SCP2: variants seen among roughly 807,000 people sequenced by gnomAD.
SCP2 encodes sterol carrier protein 2, also known as SCP-2/3-oxoacyl-CoA thiolase.
Under a neutral mutation model 71.4 loss-of-function variants are expected in SCP2, and 48 were observed. The observed-to-expected ratio is 0.67, with a 90% CI of 0.53 to 0.86. SCP2 has a LOEUF of 0.86. Ranked by LOEUF, SCP2 falls within the 40% of genes least tolerant of loss-of-function variation. The pLI is 0.00. For synonymous variants in SCP2, 220 were observed against 218.1 expected, an observed-to-expected ratio of 1.01 and a Z score of -0.08; for missense variants, 560 against 655.6, an observed-to-expected ratio of 0.85 and a Z score of 1.59.
chr1:52,927,479 C>G lies in SCP2; in HGVS notation c.69+14C>G. On this transcript the variant is annotated intron_variant, in intron 1 of 15. Coordinates refer to ENST00000371514, the MANE Select transcript of SCP2 (RefSeq NM_002979.5). Reference sequence around the variant, plus strand: ...GGCATGACCAAGGTAAACCGAGCAGCGGCCCTGCTGGCCCTCTGAGGCTCG... The same window carrying G: ...GGCATGACCAAGGTAAACCGAGCAGGGGCCCTGCTGGCCCTCTGAGGCTCG... 2 of 1,585,588 alleles carry G rather than the reference C, an allele frequency of 1.3e-6. No homozygotes were observed. Among genetic ancestry groups the G allele is most frequent in the Non-Finnish European group, 1.7e-6 (2 of 1,165,188 alleles).
At chr1:52,975,751 T>C (rs1404471415) in intron 7 of SCP2, among the ~76,000 whole-genome samples, 1 of 152,214 alleles carries the variant, frequency 6.6e-6, no homozygotes, top group African/African-American at 2.4e-5. Context: ...AACATAAATA[T>C]GGTATTCTGT....
intron 12 of SCP2, among the ~76,000 whole-genome samples, chr1:53,017,039 T>C (rs968426292): frequency 2.6e-5 from 4 of 152,188 alleles, no homozygotes; most frequent in African/African-American, 9.7e-5. Context: ...TAAACTTTAA[T>C]TTAGACCAGT....
chr1:53,014,170 G>T (rs1373463470), intron 11 of SCP2, among the ~76,000 whole-genome samples: 2 of 151,444 alleles, frequency 1.3e-5, no homozygotes, highest in Non-Finnish European at 2.9e-5. Context: ...CTCCCAAAGT[G>T]CTGGGATTAC....
chr1:53,028,192 G>A, intron 13 of SCP2, 121 bp downstream of exon 13: 1 of 659,482 alleles, frequency 1.5e-6, no homozygotes, highest in South Asian at 1.6e-5. Flanking sequence ...CAAGTATTGA[G>A]TGTAGTTAGA....
intron 11 of SCP2, among the ~76,000 whole-genome samples, chr1:53,012,233 T>G (rs2150224499): frequency 6.6e-6 from 1 of 152,374 alleles, no homozygotes; most frequent in East Asian, 1.9e-4. Context: ...GAATGCGTGC[T>G]CAGAGAGGCC....
chr1:52,965,561 C>A (rs1572101689), intron 6 of SCP2, among the ~76,000 whole-genome samples: 1 of 152,078 alleles, frequency 6.6e-6, no homozygotes, highest in African/African-American at 2.4e-5. Flanking sequence ...ATCCTTGCTG[C>A]TGCTATTGCA....
chr1:52,963,208 A>C (rs544469823), intron 6 of SCP2, among the ~76,000 whole-genome samples: 1 of 152,224 alleles, frequency 6.6e-6, no homozygotes, highest in African/African-American at 2.4e-5. Context: ...AGCACTTAGC[A>C]CTATTTATGT....
At chr1:52,988,158 A>C in intron 11 of SCP2, 22 bp downstream of exon 11, 125 of 1,177,602 alleles carry the variant, frequency 1.1e-4, no homozygotes, top group Non-Finnish European at 1.4e-4. Context: ...TACAGATTTC[A>C]TACATTTTAA....
At chr1:53,001,654 C>T (rs961778950) in intron 11 of SCP2, among the ~76,000 whole-genome samples, 1 of 152,150 alleles carries the variant, frequency 6.6e-6, no homozygotes, top group South Asian at 2.1e-4. Flanking sequence ...GTATTCCTAG[C>T]GTCCAGGGTC....
intron 11 of SCP2, chr1:52,994,350 C>T (rs1659774267): frequency 1.1e-5 from 10 of 913,876 alleles, no homozygotes; most frequent in Non-Finnish European, 1.3e-5. Flanking sequence ...TATGATATTT[C>T]ATTTTAGTTG....
chr1:53,029,563 G>GT (rs1172984515), intron 13 of SCP2, among the ~76,000 whole-genome samples: 1 of 152,190 alleles, frequency 6.6e-6, no homozygotes, highest in Non-Finnish European at 1.5e-5. Context: ...TTTCACTCAC[G>GT]TTAGAGCCAT....
chr1:52,952,608 A>C (rs901740557), intron 4 of SCP2, among the ~76,000 whole-genome samples: 1 of 152,044 alleles, frequency 6.6e-6, no homozygotes, highest in Non-Finnish European at 1.5e-5. Context: ...GCTGTTATGA[A>C]TAATGCTGCC....
chr1:52,967,212 T>C (rs1657051254), intron 6 of SCP2, among the ~76,000 whole-genome samples: 2 of 152,030 alleles, frequency 1.3e-5, no homozygotes, highest in Non-Finnish European at 2.9e-5. Context: ...AATAGGAAGC[T>C]ATTTTAATGC....
chr1:52,960,665 T>G (rs896092982), intron 5 of SCP2, among the ~76,000 whole-genome samples: 1 of 149,400 alleles, frequency 6.7e-6, no homozygotes, highest in African/African-American at 2.5e-5. Flanking sequence ...TGTGTATATA[T>G]ATGTATGTGT....
At chr1:52,966,667 C>G (rs545977341) in intron 6 of SCP2, among the ~76,000 whole-genome samples, 10 of 150,100 alleles carry the variant, frequency 6.7e-5, no homozygotes, top group Non-Finnish European at 4.4e-5. Flanking sequence ...AGGCAGATCA[C>G]GAGGTCAGGA....
At chr1:52,995,842 G>T in intron 11 of SCP2, 2 of 1,160,174 alleles carry the variant, frequency 1.7e-6, no homozygotes, top group South Asian at 1.4e-5. Flanking sequence ...TCTTGGAGCA[G>T]TTCACTGCCA....
intron 6 of SCP2, among the ~76,000 whole-genome samples, chr1:52,964,975 C>T (rs1486571632): frequency 1.3e-5 from 2 of 152,160 alleles, no homozygotes; most frequent in Non-Finnish European, 2.9e-5. Context: ...CGCGCCACTG[C>T]ACTCTAGCCT....
chr1:52,976,568 A>C (rs777244511), intron 7 of SCP2, 115 bp from the exon 8 acceptor site: 15 of 704,716 alleles, frequency 2.1e-5, no homozygotes, highest in Non-Finnish European at 3.9e-5. Flanking sequence ...CTATTCATAA[A>C]AATCTGTCTT....
chr1:52,964,793 T>A (rs1656798806), intron 6 of SCP2, among the ~76,000 whole-genome samples: 1 of 151,990 alleles, frequency 6.6e-6, no homozygotes, highest in South Asian at 2.1e-4. Context: ...GGCGGACGGA[T>A]CCTGAGGTCA....
Sources: allele counts gnomAD v4.1 joint callset (sites outside exome capture counted in the v4.1 genomes callset), GRCh38; gene constraint gnomAD v4.1.1; transcripts MANE v1.5; gene names NCBI Gene and HGNC (gene_info 2026-07-23, HGNC 2026-07-21).